Variants in CCDC125 observed in about 807,000 individuals in gnomAD.
CCDC125 encodes the protein coiled-coil domain containing 125.
In CCDC125, 43 loss-of-function variants were observed where a neutral mutation model predicts 57.4. The observed-to-expected ratio is 0.75, with a 90% CI of 0.59 to 0.97. The LOEUF is 0.97. Ranked by LOEUF, CCDC125 falls within the 50% of genes least tolerant of loss-of-function variation. The probability of loss-of-function intolerance (pLI) is 0.00; values close to 1 mark genes in which losing one functional copy is unlikely to be tolerated. For synonymous variants in CCDC125, 187 were observed against 195.2 expected (o/e 0.96, Z 0.35); for missense variants, 563 against 595.7 (o/e 0.95, Z 0.57).
At chr5:69,273,083 A>C in the CCDC125 span, 6 of 1,306,024 alleles carry the variant, frequency 4.6e-6, no homozygotes, top group African/African-American at 8.9e-5. Context: ...ATATAAAAAT[A>C]ATCTTAACTG....
chr5:69,275,118 ATTATT>A, the CCDC125 span, among the ~76,000 whole-genome samples: 1 of 152,170 alleles, frequency 6.6e-6, no homozygotes, highest in African/African-American at 2.4e-5. Context: ...TTAGGATATA[ATTATT>A]TTTATCAGAA....
intron 2 of CCDC125, among the ~76,000 whole-genome samples, chr5:69,315,450 C>CAAAAAAAAAAAAAAAAAAA (rs1359288696): frequency 2.1e-4 from 1 of 4,864 alleles, no homozygotes; most frequent in Admixed American, 3.4e-3. Context: ...AAAAAAAAAA[C>CAAAAAAAAAAAAAAAAAAA]AAAAAAAAAA....
chr5:69,306,690 G>C, intron 6 of CCDC125, 127 bp downstream of exon 6: 2 of 1,078,520 alleles, frequency 1.9e-6, no homozygotes, highest in Non-Finnish European at 2.4e-6. Context: ...TATGCGACTA[G>C]TAAGTGGATA....
chr5:69,311,352 A>G (rs1374605497), intron 3 of CCDC125, 148 bp from the exon 4 acceptor site: 4 of 533,420 alleles, frequency 7.5e-6, no homozygotes, highest in Non-Finnish European at 1.3e-5. Flanking sequence ...AACCAGACAT[A>G]CTAAAATTGA....
chr5:69,300,777 C>T (rs1398826250), intron 7 of CCDC125, among the ~76,000 whole-genome samples: 4 of 151,932 alleles, frequency 2.6e-5, no homozygotes, highest in African/African-American at 7.3e-5. Context: ...CAGCTGGAGG[C>T]GTTTATACAA....
chr5:69,317,197 G>A (rs1241868147), intron 2 of CCDC125, among the ~76,000 whole-genome samples: 2 of 151,918 alleles, frequency 1.3e-5, no homozygotes, highest in Non-Finnish European at 2.9e-5. Context: ...TTTTAGTAGA[G>A]ACGGGGTTTC....
At chr5:69,328,256 A>G (rs1244209452) in intron 1 of CCDC125, among the ~76,000 whole-genome samples, 2 of 152,184 alleles carry the variant, frequency 1.3e-5, no homozygotes, top group African/African-American at 2.4e-5. Flanking sequence ...TTTATGTTCA[A>G]TGCATTCAGC....
downstream of CCDC125, among the ~76,000 whole-genome samples, chr5:69,276,064 C>G (rs1327559964): frequency 2.6e-5 from 4 of 152,224 alleles, no homozygotes; most frequent in Non-Finnish European, 5.9e-5. Context: ...GAGCCTTGCT[C>G]TGTCGCCCAG....
chr5:69,283,642 CGAGTA>C (rs1444858491), intron 11 of CCDC125, among the ~76,000 whole-genome samples: 19 of 151,960 alleles, frequency 1.3e-4, no homozygotes, highest in African/African-American at 4.4e-4. Flanking sequence ...CTCACCCTCC[CGAGTA>C]GAGTAGCTGG....
chr5:69,293,163 G>T (rs375157148), intron 9 of CCDC125, among the ~76,000 whole-genome samples: 1 of 151,098 alleles, frequency 6.6e-6, no homozygotes, highest in East Asian at 2.0e-4. Flanking sequence ...TGGAGACAGG[G>T]TCTCTCACTC....
rs1410926950 is a variant in CCDC125 at position 69,282,625 on chromosome 5, C to T, written c.*104G>A. 3.2e-6 allele frequency: 3 copies of T among 926,852 alleles called. No individual in the cohort carries two copies. The highest frequency in any genetic ancestry group is 3.4e-5 in the African/African-American group (2 of 59,664). 57.4% of individuals were successfully genotyped at this position (926,852 alleles called of 1,614,324 possible). Reference sequence around the variant, plus strand: ...GTGACCTCCTAAAATTTAGAAATACCTAGGAAACATACAACTTCTCAAGAT... The same window carrying T: ...GTGACCTCCTAAAATTTAGAAATACTTAGGAAACATACAACTTCTCAAGAT... On this transcript the variant is annotated 3_prime_UTR_variant, in exon 12 of 12. Transcript: ENST00000396496.
At chr5:69,324,006 T>C (rs1250562947) in intron 1 of CCDC125, among the ~76,000 whole-genome samples, 1 of 152,164 alleles carries the variant, frequency 6.6e-6, no homozygotes, top group African/African-American at 2.4e-5. Flanking sequence ...AACATTTTTC[T>C]CTAAATATCC....
chr5:69,285,567 G>C, intron 10 of CCDC125, 100 bp from the exon 11 acceptor site: 1 of 1,158,594 alleles, frequency 8.6e-7, no homozygotes, highest in African/African-American at 1.6e-5. Flanking sequence ...AGTGAGTCCA[G>C]GAGCACACAG....
chr5:69,315,026 C>T (rs547197714), intron 2 of CCDC125, among the ~76,000 whole-genome samples: 8 of 151,936 alleles, frequency 5.3e-5, no homozygotes, highest in African/African-American at 1.7e-4. Flanking sequence ...GAGGCCAAGG[C>T]GGGTGGATCA....
At chr5:69,317,296 A>T (rs1759270045) in intron 2 of CCDC125, among the ~76,000 whole-genome samples, 1 of 152,186 alleles carries the variant, frequency 6.6e-6, no homozygotes, top group African/African-American at 2.4e-5. Flanking sequence ...GGCATGAGCC[A>T]CCGCACCTGG....
intron 2 of CCDC125, among the ~76,000 whole-genome samples, chr5:69,318,721 C>G (rs914443410): frequency 7.9e-5 from 12 of 151,714 alleles, no homozygotes; most frequent in South Asian, 2.1e-4. Context: ...ACACTGCACT[C>G]TAGCCTGGGC....
intron 10 of CCDC125, among the ~76,000 whole-genome samples, chr5:69,286,229 T>TATATAA (rs1753399316): frequency 8.6e-6 from 1 of 116,840 alleles, no homozygotes; most frequent in Admixed American, 8.6e-5. Context: ...TATATATATA[T>TATATAA]ATATAATTTT....
At chr5:69,307,199 A>G (rs1016045637) in intron 5 of CCDC125, among the ~76,000 whole-genome samples, 1 of 152,076 alleles carries the variant, frequency 6.6e-6, no homozygotes, top group Admixed American at 6.6e-5. Flanking sequence ...CGCTGCATGT[A>G]GAGACCTCAA....
At position 69,319,638 on chromosome 5, in the gene CCDC125, C is replaced by T. The variant is rs1474011558; in HGVS notation, c.304+599G>A. Among the ~76,000 whole-genome samples the T allele has an allele frequency of 2.6e-5, 4 of 151,698 alleles. No homozygotes were observed. The South Asian group carries it at 6.2e-4, about 24-fold the overall frequency. ...CTGGGACTACAGGAACCTGCTACCA[C>T]GCCCGGCTAATTTTTTGTATATTTA... is the stretch of plus-strand genomic sequence containing the variant. On this transcript the variant is annotated intron_variant, in intron 2 of 11. Coordinates refer to ENST00000396496, the MANE Select transcript of CCDC125 (RefSeq NM_176816.5).
Sources: gnomAD v4.1 joint callset for allele counts (sites outside exome capture counted in the v4.1 genomes callset) on GRCh38, gnomAD v4.1.1 for gene constraint, MANE v1.5 for transcripts, NCBI Gene and HGNC (gene_info 2026-07-23, HGNC 2026-07-21) for gene names.